The following ZNF592 variants were observed in gnomAD, a reference collection of about 807,000 sequenced individuals.
The protein encoded by ZNF592 is spinocerebellar ataxia, autosomal recessive 5.
A neutral mutation model predicts 80.3 loss-of-function variants in ZNF592; 11 were observed. The ratio of observed to expected loss-of-function variants is 0.14; its 90% CI spans 0.09 to 0.23. The LOEUF (loss-of-function observed/expected upper bound fraction) is 0.23. ZNF592 is among the 10% of genes least tolerant of loss of function. The probability of loss-of-function intolerance (pLI) is 1.00; values close to 1 mark genes in which losing one functional copy is unlikely to be tolerated. For synonymous variants in ZNF592, 646 were observed against 640.3 expected (o/e 1.01, Z -0.13); for missense variants, 1,420 against 1,633.9 (o/e 0.87, Z 2.26).
chr15:84,801,092 G>A (rs768975608), intron 10 of ZNF592, among the ~76,000 whole-genome samples: 4 of 152,224 alleles, frequency 2.6e-5, no homozygotes, highest in Non-Finnish European at 4.4e-5. Context: ...AGGCCAAGGT[G>A]GAAGGATCAC....
At position 84,802,671 on chromosome 15, in the gene ZNF592, G is replaced by A. The variant is rs375001495; in HGVS notation, c.*278G>A. On this transcript the variant is annotated 3_prime_UTR_variant, in exon 11 of 11. Transcript: ENST00000560079. Reference sequence around the variant, plus strand: ...CTTGTCTGTGTCCTTCCAACCCCAAGCTGCTTATGTGGCCCAACCCCACTG... The same window carrying A: ...CTTGTCTGTGTCCTTCCAACCCCAAACTGCTTATGTGGCCCAACCCCACTG... 8 of 507,548 alleles carry A rather than the reference G, an allele frequency of 1.6e-5. No homozygotes were observed. Among genetic ancestry groups the A allele is most frequent in the African/African-American group, 7.7e-5 (4 of 51,936 alleles). 31.4% of individuals were successfully genotyped at this position (507,548 alleles called of 1,614,324 possible). A position where few individuals can be genotyped will look rare whatever the true frequency, so the allele number is the denominator to read the frequency against.
Position 84,799,072 on chromosome 15 carries a change from TTG to T in ZNF592, c.3025-20_3025-19del, listed in dbSNP as rs1269096853. The T allele has an allele frequency of 3.1e-6, 5 of 1,612,854 alleles. No individual in the cohort carries two copies. In the South Asian group the frequency reaches 5.5e-5, roughly 18 times the overall value. On this transcript the variant is annotated intron_variant, in intron 8 of 10. Coordinates refer to ENST00000560079, the MANE Select transcript of ZNF592 (RefSeq NM_014630.3). This position sits in a 1 kb window ranked among gnomAD's most constrained non-coding sequence, Gnocchi z 4.2. ...AGAACTATCTTACAGTTCTGATGCT[TTG>T]TGTGTTGCCACCTCCTTCCTTAGAC...
At chr15:84,778,063 T>C (rs1962314506) in intron 2 of ZNF592, 120 bp from the exon 3 acceptor site, 1 of 152,716 alleles carries the variant, frequency 6.5e-6, no homozygotes, top group East Asian at 1.9e-4. Flanking sequence ...TTTTCTAGTC[T>C]GTCCATTTGT....
In ZNF592 at chr15:84,783,118, A is replaced by T. The variant is rs957092219; in HGVS notation, c.443A>T (p.Glu148Val). Residue 148 changes from glutamate to valine, a missense_variant, in exon 4 of 11, where the codon GAA (glutamate) becomes GTA (valine). Transcript: ENST00000560079. This position sits in a 1 kb window ranked among gnomAD's most constrained non-coding sequence, Gnocchi z 5.0. ...FNQFSPISSPEPEDPIKDNGF... is the reference protein window; with the variant it reads ...FNQFSPISSPVPEDPIKDNGF... Reference sequence around the variant, plus strand: ...CAGTTCAGTCCAATCTCCAGCCCAGAACCTGAGGATCCCATCAAAGATAAC... The same window carrying T: ...CAGTTCAGTCCAATCTCCAGCCCAGTACCTGAGGATCCCATCAAAGATAAC... The T allele has an allele frequency of 6.2e-7, 1 of 1,614,014 alleles. No homozygotes were observed. The highest frequency in any genetic ancestry group is 8.5e-7 in the Non-Finnish European group (1 of 1,180,032).
At chr15:84,751,191 A>T (rs1456472176) in intron 1 of ZNF592, among the ~76,000 whole-genome samples, 1 of 152,230 alleles carries the variant, frequency 6.6e-6, no homozygotes, top group Non-Finnish European at 1.5e-5. Context: ...GCCAGGTGGG[A>T]GAACCAATTT....
intron 2 of ZNF592, among the ~76,000 whole-genome samples, chr15:84,770,427 C>G (rs551576286): frequency 1.3e-4 from 19 of 151,320 alleles, no homozygotes; most frequent in Non-Finnish European, 2.7e-4. Flanking sequence ...ATAAATAAAG[C>G]AAAAGGGAGC....
Position 84,798,480 on chromosome 15 carries a change from A to T in ZNF592, c.2736+6A>T. ...AGTTGATGCAACACGTCAAGGTGGG[A>T]TGCCTTGCGGGAGGAGGCCGGGGAG... On this transcript the variant is annotated splice_donor_region_variant and intron_variant, in intron 7 of 10. Coordinates refer to ENST00000560079, the MANE Select transcript of ZNF592 (RefSeq NM_014630.3). This position sits in a 1 kb window ranked among gnomAD's most constrained non-coding sequence, Gnocchi z 4.5. 6.2e-7 allele frequency: 1 copy of T among 1,613,868 alleles called. No homozygotes were observed. Among genetic ancestry groups the T allele is most frequent in the Non-Finnish European group, 8.5e-7 (1 of 1,179,816 alleles).
At chr15:84,794,049 T>G (rs1962824090) in intron 5 of ZNF592, among the ~76,000 whole-genome samples, 1 of 151,850 alleles carries the variant, frequency 6.6e-6, no homozygotes, top group African/African-American at 2.4e-5. Flanking sequence ...GGTCAAATAG[T>G]AACTCTGTAG....
chr15:84,771,410 C>T (rs538726944), intron 2 of ZNF592, among the ~76,000 whole-genome samples: 4 of 152,174 alleles, frequency 2.6e-5, no homozygotes, highest in East Asian at 3.9e-4. Context: ...CAGGTATTCT[C>T]TAGTCAGGGG....
chr15:84,802,060 C>T lies in ZNF592; in HGVS notation c.3471C>T (p.Leu1157=). 3 of 1,613,820 alleles carry T rather than the reference C, an allele frequency of 1.9e-6. No homozygotes were observed. The highest frequency in any genetic ancestry group is 2.2e-5 in the South Asian group (2 of 91,072). ...ACAGCTCCACAGCCCAATGTCTCCT[C>T]TGTGGTTTGTGCTACACCTCTGCCA... The part of the protein sequence containing the change: ...QVDSSTAQCL[L]CGLCYTSASS... Residue 1157 remains leucine, a synonymous_variant, in exon 11 of 11, where the codon CTC becomes CTT. Coordinates refer to ENST00000560079, the MANE Select transcript of ZNF592 (RefSeq NM_014630.3).
At chr15:84,777,017 A>C (rs1300218483) in intron 2 of ZNF592, among the ~76,000 whole-genome samples, 2 of 151,986 alleles carry the variant, frequency 1.3e-5, no homozygotes, top group Non-Finnish European at 2.9e-5. Flanking sequence ...ACGCCATTGC[A>C]CTCCAGCCCA....
intron 2 of ZNF592, among the ~76,000 whole-genome samples, chr15:84,769,895 C>T (rs1011032580): frequency 6.6e-6 from 1 of 152,256 alleles, no homozygotes; most frequent in Non-Finnish European, 1.5e-5. Context: ...CCTACCTCAG[C>T]CTCCTGAGTA....
intron 2 of ZNF592, among the ~76,000 whole-genome samples, chr15:84,777,851 C>G (rs1009677866): frequency 6.6e-6 from 1 of 152,080 alleles, no homozygotes; most frequent in African/African-American, 2.4e-5. Flanking sequence ...AGGCGCCCAC[C>G]ACCACGCCCG....
In ZNF592 at chr15:84,784,350, C is replaced by A; in HGVS notation, c.1675C>A (p.Leu559Ile). The change falls in exon 4 of 11, where the codon CTT becomes ATT. Residue 559 changes from leucine (L) to isoleucine (I), a missense_variant. Coordinates refer to ENST00000560079, the MANE Select transcript of ZNF592 (RefSeq NM_014630.3). The surrounding 1 kb of genome is among the most constrained non-coding windows in gnomAD (Gnocchi z 5.8). ...PLIVEVFNKVLHSSNPVPLYA... is the reference protein window; with the variant it reads ...PLIVEVFNKVIHSSNPVPLYA... ...GATTGTAGAGGTCTTCAACAAGGTC[C>A]TTCACAGCTCCAACCCCGTGCCCCT... The A allele has an allele frequency of 6.2e-7, 1 of 1,614,228 alleles. No homozygotes were observed. The highest frequency in any genetic ancestry group is 8.5e-7 in the Non-Finnish European group (1 of 1,180,042).
chr15:84,759,463 G>C (rs1899277860), intron 1 of ZNF592, among the ~76,000 whole-genome samples: 1 of 152,130 alleles, frequency 6.6e-6, no homozygotes, highest in African/African-American at 2.4e-5. Context: ...TAAGTGCTGT[G>C]CCCTTTAGGA....
chr15:84,757,793 G>C, intron 1 of ZNF592, among the ~76,000 whole-genome samples: 1 of 151,332 alleles, frequency 6.6e-6, no homozygotes, highest in Middle Eastern at 3.4e-3. Flanking sequence ...CAAGTAGCTG[G>C]GACTACAGGC....
chr15:84,802,064 G>A lies in ZNF592; in HGVS notation c.3475G>A (p.Gly1159Ser), dbSNP rs752436780. The change falls in exon 11 of 11, where the codon GGT becomes AGT. Residue 1159 changes from glycine (G) to serine (S), a missense_variant. By Grantham distance (56) the Gly-to-Ser change is moderately conservative. Around this residue, in one of 7 missense-constraint regions of ZNF592, gnomAD observed 145 missense variants for 211.9 expected, o/e 0.68. Coordinates refer to ENST00000560079, the MANE Select transcript of ZNF592 (RefSeq NM_014630.3). ...CTCCACAGCCCAATGTCTCCTCTGT[G>A]GTTTGTGCTACACCTCTGCCAGCTC... ...DSSTAQCLLCGLCYTSASSLS... is the reference protein window; with the variant it reads ...DSSTAQCLLCSLCYTSASSLS... The A allele has an allele frequency of 5.6e-6, 9 of 1,613,742 alleles. No homozygotes were observed. The highest frequency in any genetic ancestry group is 7.6e-6 in the Non-Finnish European group (9 of 1,179,852).
intron 5 of ZNF592, among the ~76,000 whole-genome samples, chr15:84,792,884 C>T (rs760437150): frequency 6.6e-6 from 1 of 152,182 alleles, no homozygotes; most frequent in African/African-American, 2.4e-5. Flanking sequence ...TGCTGAGGAG[C>T]ATTGCTTGGC....
chr15:84,783,383 A>C lies in ZNF592; in HGVS notation c.708A>C (p.Arg236=). ...VEPHKDPDAT[R]FFGEALEFNS... ...CTCACAAGGATCCGGATGCCACTCG[A>C]TTCTTCGGGGAAGCTTTGGAGTTCA... Residue 236 remains arginine, a synonymous_variant, in exon 4 of 11, where the codon CGA becomes CGC. Transcript: ENST00000560079. This position sits in a 1 kb window ranked among gnomAD's most constrained non-coding sequence, Gnocchi z 5.0. 6.2e-7 allele frequency: 1 copy of C among 1,614,248 alleles called. No individual in the cohort carries two copies. Among genetic ancestry groups the C allele is most frequent in the Middle Eastern group, 1.6e-4 (1 of 6,062 alleles).
Sources: gnomAD v4.1 joint callset for allele counts (sites outside exome capture counted in the v4.1 genomes callset) on GRCh38, gnomAD v4.1.1 for gene constraint, gnomAD v4.1.1 regional missense constraint, Gnocchi (gnomAD v3.1) non-coding constraint, MANE v1.5 for transcripts, NCBI Gene and HGNC (gene_info 2026-07-23, HGNC 2026-07-21) for gene names.